Variants in SUMF1 observed in about 807,000 individuals in gnomAD.
The protein encoded by SUMF1 is formylglycine-generating enzyme.
Under a neutral mutation model 47.6 loss-of-function variants are expected in SUMF1, and 48 were observed. That is an observed-to-expected ratio of 1.01 (90% CI 0.80 to 1.28). The LOEUF (loss-of-function observed/expected upper bound fraction) is 1.28. Ranked by LOEUF, SUMF1 falls within the 50% of genes most tolerant of loss-of-function variation. The pLI, the probability that SUMF1 is intolerant of heterozygous loss-of-function variation, is 0.00. For missense variants in SUMF1, 571 were observed against 485.4 expected (o/e 1.18, Z -1.66); for synonymous variants, 230 against 192.1 (o/e 1.20, Z -1.63).
At chr3:4,390,731 T>A (rs1036549066) in intron 7 of SUMF1, among the ~76,000 whole-genome samples, 1 of 152,128 alleles carries the variant, frequency 6.6e-6, no homozygotes, top group African/African-American at 2.4e-5. Context: ...TACAAGCACA[T>A]ACCATGATAC....
chr3:4,113,353 C>A (rs79134098), intron 8 of SUMF1, among the ~76,000 whole-genome samples: 7,619 of 151,890 alleles, frequency 0.05, 520 homozygotes, highest in East Asian at 0.15. Flanking sequence ...ATAGCAAGAC[C>A]TTGTCTCTAT....
chr3:4,135,350 T>G (rs1169501311), intron 8 of SUMF1, among the ~76,000 whole-genome samples: 2 of 152,110 alleles, frequency 1.3e-5, no homozygotes, highest in Non-Finnish European at 2.9e-5. Context: ...ATCCAGCATA[T>G]AAACAGAATA....
At chr3:4,413,243 C>T (rs1559283305) in intron 6 of SUMF1, among the ~76,000 whole-genome samples, 1 of 152,048 alleles carries the variant, frequency 6.6e-6, no homozygotes, top group Admixed American at 6.6e-5. Flanking sequence ...TAGGCTCAAA[C>T]AAACCTCTTG....
intron 9 of SUMF1, among the ~76,000 whole-genome samples, chr3:4,061,778 A>C (rs1023980758): frequency 8.6e-5 from 13 of 151,948 alleles, no homozygotes; most frequent in Non-Finnish European, 1.5e-4. Flanking sequence ...ACAGGCTAAA[A>C]CTCTATGATT....
At chr3:4,256,749 A>G (rs1696962976) in intron 8 of SUMF1, among the ~76,000 whole-genome samples, 1 of 152,164 alleles carries the variant, frequency 6.6e-6, no homozygotes, top group South Asian at 2.1e-4. Flanking sequence ...AATCCTCCCT[A>G]ACTCATTTGA....
intron 8 of SUMF1, among the ~76,000 whole-genome samples, chr3:4,244,401 G>A (rs892505874): frequency 1.3e-5 from 2 of 152,164 alleles, no homozygotes; most frequent in Non-Finnish European, 1.5e-5. Context: ...GGTATCAGTT[G>A]TTCCTTCCCA....
chr3:4,195,247 A>T (rs1439978174), intron 8 of SUMF1, among the ~76,000 whole-genome samples: 3 of 152,152 alleles, frequency 2.0e-5, no homozygotes, highest in African/African-American at 7.2e-5. Flanking sequence ...CTAATGACCT[A>T]GATTCTGGCA....
intron 8 of SUMF1, among the ~76,000 whole-genome samples, chr3:4,226,748 C>T (rs1696183369): frequency 6.6e-6 from 1 of 152,046 alleles, no homozygotes; most frequent in African/African-American, 2.4e-5. Flanking sequence ...GACAACCTGG[C>T]TCAAGTGCTC....
At chr3:4,241,668 T>C (rs1453463384) in intron 8 of SUMF1, among the ~76,000 whole-genome samples, 1 of 152,100 alleles carries the variant, frequency 6.6e-6, no homozygotes, top group East Asian at 1.9e-4. Context: ...AGCAGCAGCG[T>C]TGTCTGGGGT....
chr3:4,338,992 ATGT>A (rs1053336911), intron 8 of SUMF1, among the ~76,000 whole-genome samples: 16 of 152,242 alleles, frequency 1.1e-4, no homozygotes, highest in Admixed American at 1.0e-3. Flanking sequence ...GAGCCAACTA[ATGT>A]TAGTGTGATG....
At chr3:4,346,447 T>C (rs1173678901) in intron 8 of SUMF1, among the ~76,000 whole-genome samples, 1 of 151,958 alleles carries the variant, frequency 6.6e-6, no homozygotes, top group African/African-American at 2.4e-5. Context: ...ATAATGTAAT[T>C]AAGGCAGATA....
intron 8 of SUMF1, among the ~76,000 whole-genome samples, chr3:4,200,227 T>C (rs898670220): frequency 3.3e-5 from 5 of 150,240 alleles, no homozygotes; most frequent in Admixed American, 6.7e-5. Context: ...CTTGTAGGTG[T>C]CAACTTGACG....
chr3:4,260,385 A>T (rs958989537), intron 8 of SUMF1, among the ~76,000 whole-genome samples: 3 of 152,196 alleles, frequency 2.0e-5, no homozygotes, highest in African/African-American at 7.2e-5. Flanking sequence ...TTAAAGAGAA[A>T]CCAAAAATCT....
intron 8 of SUMF1, among the ~76,000 whole-genome samples, chr3:4,289,752 G>T (rs957062750): frequency 2.4e-4 from 37 of 151,318 alleles, no homozygotes; most frequent in African/African-American, 8.9e-4. Flanking sequence ...TCTAGCTAGA[G>T]CACTCTGTAA....
chr3:4,248,526 T>TA (rs888215970), intron 8 of SUMF1, among the ~76,000 whole-genome samples: 2 of 152,222 alleles, frequency 1.3e-5, no homozygotes, highest in Admixed American at 6.5e-5. Context: ...AGTGGCAAGA[T>TA]AAAAAGAGAA....
chr3:4,299,057 T>C (rs745709597), intron 8 of SUMF1, among the ~76,000 whole-genome samples: 1 of 152,238 alleles, frequency 6.6e-6, no homozygotes, highest in African/African-American at 2.4e-5. Context: ...TTCTTAATTA[T>C]ACTATAAGCA....
At chr3:4,378,889 G>A (rs1021387263) in intron 7 of SUMF1, among the ~76,000 whole-genome samples, 2 of 152,192 alleles carry the variant, frequency 1.3e-5, no homozygotes, top group African/African-American at 4.8e-5. Context: ...GAACAAGAAG[G>A]AGTTGATTTG....
At chr3:4,182,652 T>G (rs1695120854) in intron 8 of SUMF1, among the ~76,000 whole-genome samples, 1 of 152,076 alleles carries the variant, frequency 6.6e-6, no homozygotes, top group Non-Finnish European at 1.5e-5. Context: ...TTTCTCGCTG[T>G]GGTTTCTCAT....
At chr3:4,253,464 C>G (rs892127803) in intron 8 of SUMF1, among the ~76,000 whole-genome samples, 4 of 152,266 alleles carry the variant, frequency 2.6e-5, no homozygotes, top group Admixed American at 2.6e-4. Context: ...CACAAGGGGT[C>G]AGGGAGTTCC....
Sources: allele counts gnomAD v4.1 joint callset (sites outside exome capture counted in the v4.1 genomes callset), GRCh38; gene constraint gnomAD v4.1.1; transcripts MANE v1.5; gene names NCBI Gene and HGNC (gene_info 2026-07-23, HGNC 2026-07-21).